The following BIRC6 variants were observed in gnomAD, a reference collection of about 807,000 sequenced individuals.
The protein encoded by BIRC6 is dual E2 ubiquitin-conjugating enzyme/E3 ubiquitin-protein ligase BIRC6.
Under a neutral mutation model 503.3 loss-of-function variants are expected in BIRC6, and 98 were observed. The ratio of observed to expected loss-of-function variants is 0.19; its 90% CI spans 0.17 to 0.23. The LOEUF is 0.23. Among genes scored for constraint, BIRC6 ranks in the 10% least tolerant of loss-of-function variants. BIRC6 has a pLI of 1.00. For missense variants in BIRC6, 5,360 were observed against 5,806.0 expected (o/e 0.92, Z 2.50); for synonymous variants, 2,240 against 2,078.7 (o/e 1.08, Z -2.11).
In BIRC6 at chr2:32,515,122, C is replaced by T; in HGVS notation, c.10701C>T (p.Thr3567=). Residue 3567 remains threonine (T), a synonymous_variant, in exon 55 of 74, where the codon ACC becomes ACT. Coordinates refer to ENST00000421745, the MANE Select transcript of BIRC6 (RefSeq NM_016252.4). ...TGCTCATGGGCTGGATGGGAATTAC[C>T]CCTCCTCCAGTGCAATGTCATCATA... ...FSLLMGWMGI[T]PPPVQCHHRL... is the part of the protein sequence containing the mutation. 6.2e-7 allele frequency: 1 copy of T among 1,613,894 alleles called. No homozygotes were observed. The highest frequency in any genetic ancestry group is 1.1e-5 in the South Asian group (1 of 91,082).
chr2:32,471,495 G>A (rs926771909), intron 32 of BIRC6, among the ~76,000 whole-genome samples: 2 of 152,066 alleles, frequency 1.3e-5, no homozygotes, highest in Admixed American at 6.5e-5. Flanking sequence ...ATTTCATTTA[G>A]CATTATTGGT....
At chr2:32,399,600 C>T (rs2040377153) in intron 6 of BIRC6, among the ~76,000 whole-genome samples, 1 of 151,808 alleles carries the variant, frequency 6.6e-6, no homozygotes, top group Non-Finnish European at 1.5e-5. Flanking sequence ...ATTTCTAATG[C>T]CTTATAATTA....
At position 32,518,915 on chromosome 2, in the gene BIRC6, A is replaced by G; in HGVS notation, c.11592A>G (p.Thr3864=). The change falls in exon 57 of 74, where the codon ACA becomes ACG. Residue 3864 remains threonine, a synonymous_variant. Transcript: ENST00000421745. ...GTACTCTTCATTTGCCAGTCTCAAC[A>G]ACATTATCAGATGTTCTTGACAGAG... ...KFRTLHLPVS[T]TLSDVLDRVS... 1 of 1,613,832 alleles carries G rather than the reference A, an allele frequency of 6.2e-7. No homozygotes were observed. Among genetic ancestry groups the G allele is most frequent in the Non-Finnish European group, 8.5e-7 (1 of 1,179,806 alleles).
intron 1 of BIRC6, among the ~76,000 whole-genome samples, chr2:32,369,696 G>C (rs2035498755): frequency 6.6e-6 from 1 of 151,622 alleles, no homozygotes; most frequent in East Asian, 1.9e-4. Flanking sequence ...CCAAAGTGCT[G>C]GGATTACGGG....
At chr2:32,560,942 G>C (rs936163879) in intron 65 of BIRC6, among the ~76,000 whole-genome samples, 2 of 151,830 alleles carry the variant, frequency 1.3e-5, no homozygotes, top group African/African-American at 4.8e-5. Context: ...GCTCACACCT[G>C]TAATCCCAGC....
chr2:32,576,966 A>G (rs2060310570), intron 66 of BIRC6, among the ~76,000 whole-genome samples: 1 of 151,996 alleles, frequency 6.6e-6, no homozygotes, highest in Non-Finnish European at 1.5e-5. Flanking sequence ...ATAGTGTGAT[A>G]TTTTTTCTTT....
chr2:32,426,852 GT>G (rs1301980925), intron 10 of BIRC6, among the ~76,000 whole-genome samples: 1 of 152,084 alleles, frequency 6.6e-6, no homozygotes, highest in African/African-American at 2.4e-5. Flanking sequence ...CTCAGTCTTT[GT>G]TTTTCTGGAA....
intron 23 of BIRC6, 131 bp from the exon 24 acceptor site, chr2:32,463,049 ACTTTCCAGATTTCT>A: frequency 1.7e-6 from 1 of 586,854 alleles, no homozygotes; most frequent in South Asian, 2.8e-5. Flanking sequence ...CCTTATTTAT[ACTTTCCAGATTTCT>A]TTTTTAGAAT....
intron 65 of BIRC6, among the ~76,000 whole-genome samples, chr2:32,569,567 T>TTA (rs1397855158): frequency 3.3e-5 from 5 of 152,166 alleles, no homozygotes; most frequent in Admixed American, 3.3e-4. Flanking sequence ...AGATAAGGTC[T>TTA]TACTATGTTG....
chr2:32,360,823 C>T (rs1354882665), intron 1 of BIRC6, among the ~76,000 whole-genome samples: 3 of 152,076 alleles, frequency 2.0e-5, no homozygotes, highest in Admixed American at 6.6e-5. Flanking sequence ...ATTTCAAGCT[C>T]CTTGTGGGGA....
At chr2:32,593,873 C>G (rs941433579) in intron 66 of BIRC6, 42 bp from the exon 67 acceptor site, 1 of 1,563,048 alleles carries the variant, frequency 6.4e-7, no homozygotes, top group Non-Finnish European at 8.8e-7. Context: ...GTCCTAAAAT[C>G]TTAATTTTCC....
At chr2:32,422,378 A>T (rs2150138192) in intron 10 of BIRC6, among the ~76,000 whole-genome samples, 1 of 152,194 alleles carries the variant, frequency 6.6e-6, no homozygotes, top group South Asian at 2.1e-4. Flanking sequence ...TGTGTTGAAT[A>T]AATATTTTTA....
At chr2:32,598,381 A>T (rs1343610960) in intron 69 of BIRC6, among the ~76,000 whole-genome samples, 1 of 152,124 alleles carries the variant, frequency 6.6e-6, no homozygotes, top group East Asian at 1.9e-4. Context: ...ATGTTACAGG[A>T]TTTCCATTTT....
At chr2:32,519,268 G>A (rs1315699266) in intron 57 of BIRC6, 2 of 220,440 alleles carry the variant, frequency 9.1e-6, no homozygotes, top group South Asian at 1.6e-4. Flanking sequence ...ATATTTGGTT[G>A]AATAGCAAGA....
intron 1 of BIRC6, among the ~76,000 whole-genome samples, chr2:32,364,483 C>T (rs748515433): frequency 2.0e-5 from 3 of 152,078 alleles, no homozygotes; most frequent in Admixed American, 6.6e-5. Flanking sequence ...CCTCGTGATC[C>T]GCCCGCCCTG....
chr2:32,445,519 A>G lies in BIRC6; in HGVS notation c.4337-2A>G. ...CATTTATTTTGTTTTTATTGTTTCCAGGTTCTGTCTATTGGTATTTTGTCT... is the reference window on the plus strand; with the variant it reads ...CATTTATTTTGTTTTTATTGTTTCCGGGTTCTGTCTATTGGTATTTTGTCT... On this transcript the variant is annotated splice_acceptor_variant, in intron 20 of 73. Transcript: ENST00000421745. LOFTEE classifies it high-confidence loss of function. The G allele has an allele frequency of 6.5e-7, 1 of 1,543,910 alleles. No homozygotes were observed. The highest frequency in any genetic ancestry group is 8.7e-7 in the Non-Finnish European group (1 of 1,144,178).
chr2:32,426,867 T>A (rs1376750568), intron 10 of BIRC6, among the ~76,000 whole-genome samples: 1 of 152,210 alleles, frequency 6.6e-6, no homozygotes, highest in African/African-American at 2.4e-5. Context: ...TCTGGAAATG[T>A]GTTCATCTCA....
At chr2:32,601,107 A>C (rs575052381) in intron 70 of BIRC6, among the ~76,000 whole-genome samples, 1 of 152,362 alleles carries the variant, frequency 6.6e-6, no homozygotes, top group Non-Finnish European at 1.5e-5. Context: ...GGGTTGCACA[A>C]GCTTGCACTA....
intron 62 of BIRC6, among the ~76,000 whole-genome samples, chr2:32,545,135 C>A (rs1427356049): frequency 6.6e-6 from 1 of 151,884 alleles, no homozygotes; most frequent in Non-Finnish European, 1.5e-5. Context: ...GTTATGATAT[C>A]TCTCTCTCTA....
Sources: allele counts gnomAD v4.1 joint callset (sites outside exome capture counted in the v4.1 genomes callset), GRCh38; gene constraint gnomAD v4.1.1; transcripts MANE v1.5; gene names NCBI Gene and HGNC (gene_info 2026-07-23, HGNC 2026-07-21).